KAZN: variants seen among roughly 807,000 people sequenced by gnomAD.
KAZN encodes the protein kazrin, periplakin interacting protein, also known as kazrin.
In KAZN, 40 loss-of-function variants were observed where a neutral mutation model predicts 87.4. The ratio of observed to expected loss-of-function variants is 0.46; its 90% CI spans 0.36 to 0.60. The LOEUF is 0.60. Ranked by LOEUF, KAZN falls within the 20% of genes least tolerant of loss-of-function variation. The pLI is 0.00. For synonymous variants in KAZN, 466 were observed against 458.3 expected, an observed-to-expected ratio of 1.02 and a Z score of -0.22; for missense variants, 898 against 1,073.9, an observed-to-expected ratio of 0.84 and a Z score of 2.29.
In KAZN at chr1:14,072,847, G is replaced by A. The variant is rs1338122999; in HGVS notation, c.92-107588G>A. On this transcript the variant is annotated intron_variant, in intron 1 of 16. Coordinates refer to the KAZN transcript ENST00000636203. The stretch of plus-strand genomic sequence containing the variant: ...TGTTTTGTGTCTGGCACCTAGGGAT[G>A]CCCAGAAATACTTTCTCCTCACCTA... Among the ~76,000 whole-genome samples the A allele has an allele frequency of 3.9e-5, 6 of 152,138 alleles. No individual in the cohort carries two copies. In the South Asian group the frequency reaches 1.2e-3, roughly 32 times the overall value.
rs2100614416 is a variant in KAZN, at chr1:15,077,177, G to A, written c.1222+11424G>A. On this transcript the variant is annotated intron_variant, in intron 8 of 14. Transcript: ENST00000376030. The surrounding 1 kb of genome is among the most constrained non-coding windows in gnomAD (Gnocchi z 4.8). ...TGACAACTAATTTTTTTTTAATTTAGTGTCCATTGGGGGAAAATTTCCAAG... is the reference window on the plus strand; with the variant it reads ...TGACAACTAATTTTTTTTTAATTTAATGTCCATTGGGGGAAAATTTCCAAG... Among the ~76,000 whole-genome samples the A allele has an allele frequency of 6.6e-6, 1 of 152,024 alleles. No homozygotes were observed. Among genetic ancestry groups the A allele is most frequent in the South Asian group, 2.1e-4 (1 of 4,810 alleles).
At chr1:14,777,162 T>TGTG (rs200721779) in intron 1 of KAZN, among the ~76,000 whole-genome samples, 1 of 93,050 alleles carries the variant, frequency 1.1e-5, no homozygotes, top group Admixed American at 9.6e-5. Flanking sequence ...TAATTTTTTT[T>TGTG]TTTTTTTGTA....
chr1:13,967,425 T>C (rs539897563), intron 1 of KAZN, among the ~76,000 whole-genome samples: 3 of 152,138 alleles, frequency 2.0e-5, no homozygotes, highest in African/African-American at 7.2e-5. Flanking sequence ...CAATAATACA[T>C]TGAGGCGACC....
At chr1:15,050,895 G>C (rs1468952668) in intron 4 of KAZN, among the ~76,000 whole-genome samples, 2 of 152,204 alleles carry the variant, frequency 1.3e-5, no homozygotes, top group Non-Finnish European at 2.9e-5. Flanking sequence ...TGCCTCATCA[G>C]CTCACACCGG....
intron 2 of KAZN, among the ~76,000 whole-genome samples, chr1:14,563,852 A>G (rs1571942207): frequency 6.9e-6 from 1 of 143,954 alleles, no homozygotes; most frequent in East Asian, 2.1e-4. Flanking sequence ...GCCTGATTGC[A>G]CTCAGAGTAT....
At chr1:14,845,617 T>A (rs1224862137) in intron 1 of KAZN, among the ~76,000 whole-genome samples, 10 of 151,824 alleles carry the variant, frequency 6.6e-5, no homozygotes, top group African/African-American at 2.4e-4. Flanking sequence ...ATTCCTTCCT[T>A]CAGTTTTGCA....
At chr1:15,044,656 GCCTGAGC>G (rs1204404726) in intron 4 of KAZN, among the ~76,000 whole-genome samples, 1 of 150,938 alleles carries the variant, frequency 6.6e-6, no homozygotes, top group Non-Finnish European at 1.5e-5. Context: ...CAAAAGGATT[GCCTGAGC>G]CCTGGAGGTA....
At chr1:14,915,961 G>A (rs1182876801) in intron 1 of KAZN, among the ~76,000 whole-genome samples, 1 of 152,084 alleles carries the variant, frequency 6.6e-6, no homozygotes, top group African/African-American at 2.4e-5. Flanking sequence ...TCACTTACTG[G>A]CTGTGTGACT....
intron 1 of KAZN, among the ~76,000 whole-genome samples, chr1:13,897,863 T>G (rs1390986240): frequency 6.6e-6 from 1 of 152,194 alleles, no homozygotes; most frequent in Non-Finnish European, 1.5e-5. Flanking sequence ...CCTCTCCAGG[T>G]CCTTCATCTC....
rs896260174 is a variant in KAZN, at chr1:14,996,101, A to T, written c.418+35226A>T. The stretch of plus-strand genomic sequence containing the variant: ...TCTGGAGAGGGTCCATACCCTGCAC[A>T]GCAGACGCGAGTGTGCATGTCAGTT... On this transcript the variant is annotated intron_variant, in intron 2 of 14. Coordinates refer to ENST00000376030, the MANE Select transcript of KAZN (RefSeq NM_201628.3). The surrounding 1 kb of genome is among the most constrained non-coding windows in gnomAD (Gnocchi z 5.9). Among the ~76,000 whole-genome samples the T allele has an allele frequency of 6.6e-6, 1 of 152,036 alleles. No homozygotes were observed. Among genetic ancestry groups the T allele is most frequent in the Admixed American group, 6.6e-5 (1 of 15,266 alleles).
At chr1:14,149,944 T>C (rs1054323381) in intron 1 of KAZN, among the ~76,000 whole-genome samples, 1 of 152,170 alleles carries the variant, frequency 6.6e-6, no homozygotes, top group African/African-American at 2.4e-5. Flanking sequence ...TGAAAACTGC[T>C]GGCCTAAAAA....
intron 1 of KAZN, among the ~76,000 whole-genome samples, chr1:14,890,360 C>T (rs1156976388): frequency 4.6e-5 from 7 of 152,326 alleles, no homozygotes; most frequent in African/African-American, 7.2e-5. Context: ...GAGAATGGCA[C>T]GCAGACCCAG....
intron 1 of KAZN, among the ~76,000 whole-genome samples, chr1:14,916,333 C>A (rs1292585976): frequency 6.6e-6 from 1 of 151,918 alleles, no homozygotes; most frequent in Non-Finnish European, 1.5e-5. Context: ...CCATGCCCAA[C>A]TCGTTTTTGT....
At chr1:13,984,212 G>C (rs1411188612) in intron 1 of KAZN, among the ~76,000 whole-genome samples, 1 of 151,988 alleles carries the variant, frequency 6.6e-6, no homozygotes, top group Non-Finnish European at 1.5e-5. Context: ...GGGTTTCACT[G>C]TGTTAGCCAG....
At chr1:15,088,398 T>C (rs1640368768) in intron 8 of KAZN, among the ~76,000 whole-genome samples, 1 of 151,900 alleles carries the variant, frequency 6.6e-6, no homozygotes, top group African/African-American at 2.4e-5. Context: ...CATGCGTGCA[T>C]ATGTGTTGGG....
At chr1:14,810,894 G>A (rs1646388300) in intron 1 of KAZN, among the ~76,000 whole-genome samples, 1 of 152,206 alleles carries the variant, frequency 6.6e-6, no homozygotes, top group Non-Finnish European at 1.5e-5. Context: ...CAGTGCTGGG[G>A]CCTTGGCACT....
At chr1:14,403,828 C>G (rs1042595361) in intron 2 of KAZN, among the ~76,000 whole-genome samples, 1 of 152,138 alleles carries the variant, frequency 6.6e-6, no homozygotes, top group African/African-American at 2.4e-5. Flanking sequence ...TGGGGTAATA[C>G]CCAACATTCA....
At chr1:14,047,732 G>A (rs374859231) in intron 1 of KAZN, among the ~76,000 whole-genome samples, 118 of 152,228 alleles carry the variant, frequency 7.8e-4, no homozygotes, top group African/African-American at 2.4e-3. Context: ...GCTGGGTGTG[G>A]TGGCACACAC....
chr1:14,964,945 G>A (rs1251502918), intron 2 of KAZN, among the ~76,000 whole-genome samples: 1 of 152,170 alleles, frequency 6.6e-6, no homozygotes, highest in Non-Finnish European at 1.5e-5. Flanking sequence ...GGAAATGAGT[G>A]TGGGAATATT....
Sources: gnomAD v4.1 joint callset for allele counts (sites outside exome capture counted in the v4.1 genomes callset) on GRCh38, gnomAD v4.1.1 for gene constraint, Gnocchi (gnomAD v3.1) non-coding constraint, MANE v1.5 for transcripts, NCBI Gene and HGNC (gene_info 2026-07-23, HGNC 2026-07-21) for gene names.